FIG4: variants seen among roughly 807,000 people sequenced by gnomAD.
FIG4 encodes the protein polyphosphoinositide phosphatase.
A neutral mutation model predicts 118.6 loss-of-function variants in FIG4; 112 were observed. The observed-to-expected ratio is 0.94, with a 90% CI of 0.81 to 1.11. The LOEUF (loss-of-function observed/expected upper bound fraction) is 1.11. FIG4 is among the 50% of genes least tolerant of loss of function. The pLI is 0.00. For missense variants in FIG4, 969 were observed against 1,111.7 expected (o/e 0.87, Z 1.83); for synonymous variants, 369 against 381.2 (o/e 0.97, Z 0.37).
intron 15 of FIG4, among the ~76,000 whole-genome samples, chr6:109,770,642 T>C (rs910827056): frequency 6.6e-6 from 1 of 152,102 alleles, no homozygotes. Context: ...CTCAGGGAAC[T>C]TTTAATCCTG....
intron 22 of FIG4, among the ~76,000 whole-genome samples, chr6:109,807,656 A>G (rs1021818631): frequency 3.3e-5 from 5 of 152,010 alleles, no homozygotes; most frequent in Non-Finnish European, 7.4e-5. Flanking sequence ...CATTGCTTTT[A>G]GTGTTTTAGT....
intron 22 of FIG4, among the ~76,000 whole-genome samples, chr6:109,804,279 C>T (rs1778506681): frequency 6.6e-6 from 1 of 152,038 alleles, no homozygotes; most frequent in Non-Finnish European, 1.5e-5. Flanking sequence ...AAATTATCAT[C>T]AGTTTTGTGT....
At position 109,825,124 on chromosome 6, in the gene FIG4, T is replaced by G; in HGVS notation, c.2583T>G (p.Tyr861Ter). 6.2e-7 allele frequency: 1 copy of G among 1,614,056 alleles called. No individual in the cohort carries two copies. Among genetic ancestry groups the G allele is most frequent in the Non-Finnish European group, 8.5e-7 (1 of 1,179,930 alleles). Reference protein sequence around the residue: ...PISAFSQDNIYEVQPPRVDRK... With the variant: ...PISAFSQDNI ...CGGCTTTCTCGCAAGATAACATCTA[T>G]GAAGTTCAGCCCCCAAGAGTAGACA... is the stretch of plus-strand genomic sequence containing the variant. Residue 861 changes from tyrosine to a stop codon, truncating the protein, a stop_gained, in exon 23 of 23, where the codon TAT becomes TAG. Coordinates refer to ENST00000230124, the MANE Select transcript of FIG4 (RefSeq NM_014845.6). LOFTEE classifies it high-confidence loss of function.
intron 1 of FIG4, among the ~76,000 whole-genome samples, chr6:109,708,531 G>C (rs186260605): frequency 6.6e-6 from 1 of 152,330 alleles, no homozygotes; most frequent in African/African-American, 2.4e-5. Context: ...TTAGGTCTTA[G>C]AGGAATTGCC....
chr6:109,791,675 A>T (rs1778143014), intron 20 of FIG4, 104 bp downstream of exon 20: 2 of 950,472 alleles, frequency 2.1e-6, no homozygotes, highest in Non-Finnish European at 3.3e-6. Context: ...ATGTCACATT[A>T]TCTCACTGTT....
At chr6:109,752,592 A>G (rs901776334) in intron 10 of FIG4, among the ~76,000 whole-genome samples, 8 of 152,196 alleles carry the variant, frequency 5.3e-5, no homozygotes, top group Non-Finnish European at 7.3e-5. Context: ...ATGACCAGTG[A>G]TGATGAGCAT....
At chr6:109,697,339 G>T (rs761122042) in intron 1 of FIG4, among the ~76,000 whole-genome samples, 1 of 151,950 alleles carries the variant, frequency 6.6e-6, no homozygotes, top group Non-Finnish European at 1.5e-5. Context: ...GAGTGATTCT[G>T]GCTCAGGGTC....
At chr6:109,715,042 C>A in intron 1 of FIG4, 36 bp from the exon 2 acceptor site, 1 of 1,231,676 alleles carries the variant, frequency 8.1e-7, no homozygotes, top group Non-Finnish European at 1.2e-6. Context: ...GGGCAAAATG[C>A]TTTGATAAAC....
At chr6:109,750,081 C>G (rs563468297) in intron 10 of FIG4, among the ~76,000 whole-genome samples, 2 of 152,284 alleles carry the variant, frequency 1.3e-5, no homozygotes, top group South Asian at 2.1e-4. Flanking sequence ...GATACTCACT[C>G]TTTATTCTAC....
At chr6:109,696,385 C>T (rs1774720332) in intron 1 of FIG4, among the ~76,000 whole-genome samples, 1 of 152,052 alleles carries the variant, frequency 6.6e-6, no homozygotes, top group Admixed American at 6.6e-5. Flanking sequence ...TTATCAAGTC[C>T]CCTTATATAT....
intron 1 of FIG4, among the ~76,000 whole-genome samples, chr6:109,711,069 T>C (rs1775244650): frequency 6.6e-6 from 1 of 152,150 alleles, no homozygotes; most frequent in Non-Finnish European, 1.5e-5. Context: ...TCTATTATTG[T>C]GTGGGAGTCT....
intron 10 of FIG4, among the ~76,000 whole-genome samples, chr6:109,753,698 T>C (rs898804687): frequency 3.3e-5 from 5 of 152,080 alleles, no homozygotes; most frequent in African/African-American, 7.2e-5. Context: ...TTATTCTCTT[T>C]GAAGCAATTG....
rs1330258284 is a variant in FIG4 at position 109,707,328 on chromosome 6, TAG to T, written c.67-7749_67-7748del. Among the ~76,000 whole-genome samples the T allele has an allele frequency of 1.9e-4, 27 of 144,538 alleles. 1 individual carries two copies. The highest frequency in any genetic ancestry group is 4.3e-4 in the South Asian group (2 of 4,676). The allele number at this position is 144,538 out of a possible 152,430, so 94.8% of individuals were successfully genotyped here. A position where few individuals can be genotyped will look rare whatever the true frequency, so the allele number is the denominator to read the frequency against. On this transcript the variant is annotated intron_variant, in intron 1 of 22. Transcript: ENST00000230124. ...GTGTGTATGTGTATATATATATGTATAGGTATATATATACATATATACATACA... is the reference window on the plus strand; with the variant it reads ...GTGTGTATGTGTATATATATATGTATGTATATATATACATATATACATACA...
At chr6:109,694,193 G>A (rs1306295287) in intron 1 of FIG4, among the ~76,000 whole-genome samples, 1 of 152,178 alleles carries the variant, frequency 6.6e-6, no homozygotes, top group Admixed American at 6.5e-5. Flanking sequence ...ATTTATGCCA[G>A]AGGTTGCAAA....
At chr6:109,768,003 G>A (rs1393850298) in intron 15 of FIG4, among the ~76,000 whole-genome samples, 2 of 152,220 alleles carry the variant, frequency 1.3e-5, no homozygotes, top group Non-Finnish European at 2.9e-5. Flanking sequence ...AAGAGACGCA[G>A]CATGTAGGCC....
intron 16 of FIG4, among the ~76,000 whole-genome samples, chr6:109,783,678 C>T (rs1562681902): frequency 6.6e-6 from 1 of 152,212 alleles, no homozygotes; most frequent in Non-Finnish European, 1.5e-5. Flanking sequence ...CTCTGTTCTT[C>T]TCATATTCAA....
intron 1 of FIG4, among the ~76,000 whole-genome samples, chr6:109,692,411 G>A (rs1774501293): frequency 6.6e-6 from 1 of 152,196 alleles, no homozygotes; most frequent in Non-Finnish European, 1.5e-5. Context: ...CTCCATTAGA[G>A]GAGTATGAGA....
intron 1 of FIG4, among the ~76,000 whole-genome samples, chr6:109,705,685 A>G (rs1249368808): frequency 6.6e-6 from 1 of 152,162 alleles, no homozygotes; most frequent in Admixed American, 6.5e-5. Context: ...CAGGATTTAT[A>G]TCTGTTTTTA....
intron 22 of FIG4, among the ~76,000 whole-genome samples, chr6:109,797,716 T>C (rs907718159): frequency 7.2e-5 from 11 of 151,960 alleles, no homozygotes; most frequent in Non-Finnish European, 2.9e-5. Flanking sequence ...GCCAACATCA[T>C]GAAACCCGGT....
Sources: allele counts gnomAD v4.1 joint callset (sites outside exome capture counted in the v4.1 genomes callset), GRCh38; gene constraint gnomAD v4.1.1; transcripts MANE v1.5; gene names NCBI Gene and HGNC (gene_info 2026-07-23, HGNC 2026-07-21).